MX1: variants seen among roughly 807,000 people sequenced by gnomAD.
The protein encoded by MX1 is interferon-induced GTP-binding protein Mx1.
In MX1, 66 loss-of-function variants were observed where a neutral mutation model predicts 66.4. The ratio of observed to expected loss-of-function variants is 0.99; its 90% CI spans 0.82 to 1.22. The LOEUF is 1.22. Ranked by LOEUF, MX1 falls within the 50% of genes most tolerant of loss-of-function variation. The pLI is 0.00. For missense variants in MX1, 787 were observed against 834.3 expected, an observed-to-expected ratio of 0.94 and a Z score of 0.70; for synonymous variants, 311 against 318.1, an observed-to-expected ratio of 0.98 and a Z score of 0.24.
chr21:41,440,894 C>T lies in MX1; in HGVS notation c.599C>T (p.Thr200Ile), dbSNP rs926799512. The T allele has an allele frequency of 1.2e-6, 2 of 1,614,084 alleles. No homozygotes were observed. Among genetic ancestry groups the T allele is most frequent in the Non-Finnish European group, 1.7e-6 (2 of 1,180,030 alleles). ...CCTCTCATTTCCTTACAGATCAAGA[C>T]ACTCATCAAGAAGTACATCCAGAGG... ...QPADIGYKIK[T>I]LIKKYIQRQE... The change falls in exon 9 of 17, where the codon ACA becomes ATA. Residue 200 changes from threonine to isoleucine, a missense_variant. By Grantham distance (89) the Thr-to-Ile change is moderately conservative. Coordinates refer to ENST00000398598, the MANE Select transcript of MX1 (RefSeq NM_002462.5).
At chr21:41,423,450 C>G (rs757092908), upstream of MX1, among the ~76,000 whole-genome samples, 1 of 152,208 alleles carries the variant, frequency 6.6e-6, no homozygotes, top group Admixed American at 6.5e-5. Flanking sequence ...TGTCCCTCCC[C>G]CTGTGCTCTC....
At chr21:41,457,787 G>A (rs1383574491) in intron 16 of MX1, among the ~76,000 whole-genome samples, 6 of 152,096 alleles carry the variant, frequency 3.9e-5, no homozygotes, top group African/African-American at 1.4e-4. Flanking sequence ...AGCATCACCA[G>A]CAGCCATCTC....
At chr21:41,456,409 A>G (rs1196274449) in intron 16 of MX1, among the ~76,000 whole-genome samples, 1 of 152,216 alleles carries the variant, frequency 6.6e-6, no homozygotes, top group East Asian at 1.9e-4. Context: ...AGCAGGAGCT[A>G]AGGCTGAGTC....
intron 15 of MX1, among the ~76,000 whole-genome samples, chr21:41,451,821 C>T (rs1328214368): frequency 7.6e-6 from 1 of 132,154 alleles, no homozygotes; most frequent in Non-Finnish European, 1.5e-5. Context: ...GGCGATGGAG[C>T]GAGACCCCGT....
chr21:41,432,094 C>A lies in MX1; in HGVS notation c.24C>A (p.Ile8=). The A allele has an allele frequency of 6.2e-7, 1 of 1,614,132 alleles. No individual in the cohort carries two copies. Among genetic ancestry groups the A allele is most frequent in the Non-Finnish European group, 8.5e-7 (1 of 1,180,038 alleles). The change falls in exon 5 of 17, where the codon ATC becomes ATA. Residue 8 remains isoleucine, a synonymous_variant. Transcript: ENST00000398598. ...AGATGGTTGTTTCCGAAGTGGACAT[C>A]GCAAAAGCTGATCCAGCTGCTGCAT... MVVSEVD[I]AKADPAAASH...
intron 14 of MX1, 58 bp downstream of exon 14, chr21:41,449,353 C>G (rs1483840499): frequency 4.5e-6 from 7 of 1,545,144 alleles, no homozygotes; most frequent in Non-Finnish European, 5.2e-6. Flanking sequence ...AGGTTCGAAC[C>G]AAAGCCAGCA....
chr21:41,443,925 C>T, intron 11 of MX1, 59 bp downstream of exon 11: 1 of 1,496,030 alleles, frequency 6.7e-7, no homozygotes, highest in Non-Finnish European at 9.3e-7. Context: ...CAGAGCTGAA[C>T]CTTGCTGGCT....
At position 41,426,243 on chromosome 21, in the gene MX1, T is replaced by G. The variant is rs1349399293; in HGVS notation, c.-329T>G. On this transcript the variant is annotated 5_prime_UTR_variant, in exon 1 of 17. Coordinates refer to ENST00000398598, the MANE Select transcript of MX1 (RefSeq NM_002462.5). ...GGCGAAGCGAGAGCGGAGGCCGCACTCCAGCACTGCGCAGGGACCGGTGAG... is the reference window on the plus strand; with the variant it reads ...GGCGAAGCGAGAGCGGAGGCCGCACGCCAGCACTGCGCAGGGACCGGTGAG... 1 of 154,136 alleles carries G rather than the reference T, an allele frequency of 6.5e-6. No homozygotes were observed. The highest frequency in any genetic ancestry group is 2.4e-5 in the African/African-American group (1 of 41,500). The allele number at this position is 154,136 out of a possible 1,614,324, so 9.5% of individuals were successfully genotyped here. A position where few individuals can be genotyped will look rare whatever the true frequency, so the allele number is the denominator to read the frequency against.
At chr21:41,445,878 A>G (rs949041179) in intron 12 of MX1, 122 bp from the exon 13 acceptor site, 9 of 1,254,286 alleles carry the variant, frequency 7.2e-6, no homozygotes, top group Non-Finnish European at 9.9e-6. Context: ...CCCCTGATCC[A>G]CAGTGTCCCA....
chr21:41,451,858 A>AAAAAAG (rs1568995101), intron 15 of MX1, among the ~76,000 whole-genome samples: 1 of 138,218 alleles, frequency 7.2e-6, no homozygotes, highest in African/African-American at 2.8e-5. Flanking sequence ...AAAACAAACA[A>AAAAAAG]AAAAACTTTC....
chr21:41,438,584 A>G (rs1376494987), intron 7 of MX1, among the ~76,000 whole-genome samples: 2 of 152,222 alleles, frequency 1.3e-5, no homozygotes. Context: ...CTGACGTGGC[A>G]CTGTGTAACA....
chr21:41,439,214 G>A (rs2146197002), intron 7 of MX1, among the ~76,000 whole-genome samples: 1 of 151,986 alleles, frequency 6.6e-6, no homozygotes, highest in Admixed American at 6.6e-5. Context: ...ATTCATTAAG[G>A]AGGAAGGAGC....
chr21:41,421,641 A>T (rs1476270423), upstream of MX1, among the ~76,000 whole-genome samples: 1 of 152,214 alleles, frequency 6.6e-6, no homozygotes, highest in Non-Finnish European at 1.5e-5. Flanking sequence ...CACATCTTGC[A>T]CCGCCCTTAA....
rs574849847 is a variant in MX1, at chr21:41,440,472, C to A, written c.592-415C>A. 2.6e-5 allele frequency among the ~76,000 whole-genome samples: 4 copies of A among 152,318 alleles called. No homozygotes were observed. The South Asian group carries it at 8.3e-4, about 32-fold the overall frequency. On this transcript the variant is annotated intron_variant, in intron 8 of 16. Transcript: ENST00000398598. ...CCAGCCTGGGCAACAGAGCAAGAAT[C>A]TGTCTCAAAACAAAAAACAAAACAA...
At chr21:41,444,640 A>ATGAG (rs374030148) in intron 11 of MX1, among the ~76,000 whole-genome samples, 2 of 152,280 alleles carry the variant, frequency 1.3e-5, no homozygotes, top group African/African-American at 4.8e-5. Context: ...GCCGACCATG[A>ATGAG]TGAGTGCAGA....
intron 5 of MX1, among the ~76,000 whole-genome samples, chr21:41,432,975 G>A (rs1461528972): frequency 6.6e-6 from 1 of 152,190 alleles, no homozygotes; most frequent in Non-Finnish European, 1.5e-5. Context: ...CGTCCCTGGT[G>A]CGTCTCTTGT....
At chr21:41,425,051 C>T (rs1366027354), upstream of MX1, among the ~76,000 whole-genome samples, 2 of 152,198 alleles carry the variant, frequency 1.3e-5, no homozygotes, top group African/African-American at 4.8e-5. Flanking sequence ...GCATCTGCAA[C>T]TTGTTACAAT....
intron 3 of MX1, chr21:41,428,131 C>T (rs1003279354): frequency 6.6e-6 from 1 of 152,234 alleles, no homozygotes. Flanking sequence ...GTTTCAAACT[C>T]CTGGCCTCAA....
At position 41,440,116 on chromosome 21, in the gene MX1, A is replaced by G. The variant is rs1201006943; in HGVS notation, c.591+268A>G. On this transcript the variant is annotated intron_variant, in intron 8 of 16. Coordinates refer to ENST00000398598, the MANE Select transcript of MX1 (RefSeq NM_002462.5). ...GTGTATTTGTTTTATGTTTTATGCA[A>G]TGACTTGTTTTTGGTTATATACATT... is the stretch of plus-strand genomic sequence containing the variant. 2.6e-5 allele frequency among the ~76,000 whole-genome samples: 4 copies of G among 152,174 alleles called. No homozygotes were observed. The East Asian group carries it at 7.7e-4, about 29-fold the overall frequency.
Sources: allele counts gnomAD v4.1 joint callset (sites outside exome capture counted in the v4.1 genomes callset), GRCh38; gene constraint gnomAD v4.1.1; transcripts MANE v1.5; gene names NCBI Gene and HGNC (gene_info 2026-07-23, HGNC 2026-07-21).